DCP1A: variants seen among roughly 807,000 people sequenced by gnomAD.
The protein encoded by DCP1A is decapping mRNA 1A.
A neutral mutation model predicts 58.0 loss-of-function variants in DCP1A; 20 were observed. That is an observed-to-expected ratio of 0.34 (90% CI 0.24 to 0.50). DCP1A has a LOEUF of 0.50. Ranked by LOEUF, DCP1A falls within the 20% of genes least tolerant of loss-of-function variation. The pLI, the probability that DCP1A is intolerant of heterozygous loss-of-function variation, is 0.98. For missense variants in DCP1A, 613 were observed against 712.2 expected, an observed-to-expected ratio of 0.86 and a Z score of 1.59; for synonymous variants, 285 against 275.1, an observed-to-expected ratio of 1.04 and a Z score of -0.36.
At chr3:53,316,901 T>C (rs552464257) in intron 4 of DCP1A, among the ~76,000 whole-genome samples, 2 of 152,312 alleles carry the variant, frequency 1.3e-5, no homozygotes, top group South Asian at 2.1e-4. Context: ...CTGGGTTCAA[T>C]AAAATATTTT....
At chr3:53,304,639 C>G (rs1377941898) in intron 5 of DCP1A, among the ~76,000 whole-genome samples, 1 of 152,174 alleles carries the variant, frequency 6.6e-6, no homozygotes, top group Non-Finnish European at 1.5e-5. Flanking sequence ...GTGGCGCAAT[C>G]TTGGCTCACT....
At chr3:53,329,267 T>C (rs1489169581) in intron 3 of DCP1A, 4 of 397,800 alleles carry the variant, frequency 1.0e-5, no homozygotes, top group Non-Finnish European at 1.8e-5. Flanking sequence ...GCATTTCTTC[T>C]ACTAAAACTT....
intron 2 of DCP1A, among the ~76,000 whole-genome samples, chr3:53,344,658 T>A (rs932881835): frequency 6.6e-6 from 1 of 152,176 alleles, no homozygotes; most frequent in Non-Finnish European, 1.5e-5. Flanking sequence ...TTAGACTCAA[T>A]CATTATTATT....
intron 2 of DCP1A, among the ~76,000 whole-genome samples, chr3:53,342,924 A>G (rs1439183693): frequency 3.9e-5 from 6 of 152,356 alleles, no homozygotes; most frequent in Non-Finnish European, 8.8e-5. Context: ...ATTGGCTATA[A>G]TGGCTGCCCA....
Position 53,287,435 on chromosome 3 carries a change from T to G in DCP1A, c.*145A>C. ...CTCCATTATCACTGAGAATGTCACT[T>G]GGAAAACATTCTTAAGAAATGAGTC... On this transcript the variant is annotated 3_prime_UTR_variant, in exon 10 of 10. Transcript: ENST00000610213. 2.4e-6 allele frequency: 1 copy of G among 422,190 alleles called. No homozygotes were observed. Among genetic ancestry groups the G allele is most frequent in the East Asian group, 3.9e-5 (1 of 25,968 alleles). 26.2% of individuals were successfully genotyped at this position (422,190 alleles called of 1,614,324 possible).
intron 3 of DCP1A, among the ~76,000 whole-genome samples, chr3:53,324,136 T>C (rs2106861230): frequency 6.6e-6 from 1 of 152,336 alleles, no homozygotes; most frequent in South Asian, 2.1e-4. Context: ...CTTTTGTATA[T>C]TATCAAACTG....
intron 8 of DCP1A, among the ~76,000 whole-genome samples, chr3:53,290,073 C>T (rs958049894): frequency 5.9e-5 from 9 of 152,098 alleles, no homozygotes; most frequent in Admixed American, 2.6e-4. Flanking sequence ...GAAGCTGGTT[C>T]CCATTTAAAC....
Position 53,312,226 on chromosome 3 carries a change from C to A in DCP1A, c.510+15G>T, listed in dbSNP as rs1553688734. The A allele has an allele frequency of 1.9e-6, 3 of 1,574,554 alleles. No homozygotes were observed. The highest frequency in any genetic ancestry group is 2.6e-6 in the Non-Finnish European group (3 of 1,160,168). ...GTCTTCCCTGGTCAGCACCCAAGTA[C>A]CCAGAGAGCCTCACCCTCTCATACT... On this transcript the variant is annotated intron_variant, in intron 5 of 9. Transcript: ENST00000610213.
chr3:53,321,872 C>T (rs373446957), intron 3 of DCP1A, among the ~76,000 whole-genome samples: 7 of 152,200 alleles, frequency 4.6e-5, no homozygotes, highest in South Asian at 2.1e-4. Context: ...TTCAGTTATG[C>T]TCGATGATTA....
Position 53,287,582 on chromosome 3 carries a change from A to G in DCP1A, c.1747T>C (p.Ter583ArgextTer24), listed in dbSNP as rs782616378. The change falls in exon 10 of 10, where the codon TGA (stop) becomes CGA (arginine). Residue 583 changes from the stop codon to arginine, a stop_lost. Coordinates refer to ENST00000610213, the MANE Select transcript of DCP1A (RefSeq NM_018403.7). ...CCTTTAGACTTATTCTGCTCCAGTCATAGGTTGTGGTTGTCTTTGTTCTTG... is the reference window on the plus strand; with the variant it reads ...CCTTTAGACTTATTCTGCTCCAGTCGTAGGTTGTGGTTGTCTTTGTTCTTG... ...LTKNKDNHNL[*>R] The G allele has an allele frequency of 1.2e-6, 2 of 1,604,068 alleles. No individual in the cohort carries two copies. Among genetic ancestry groups the G allele is most frequent in the South Asian group, 2.2e-5 (2 of 90,854 alleles).
intron 6 of DCP1A, among the ~76,000 whole-genome samples, chr3:53,293,445 A>G (rs1706999643): frequency 6.6e-6 from 1 of 152,194 alleles, no homozygotes; most frequent in South Asian, 2.1e-4. Context: ...TGTACTTTTA[A>G]GCAGTATTTC....
chr3:53,334,616 A>G (rs1553691691), intron 3 of DCP1A, among the ~76,000 whole-genome samples: 2 of 152,230 alleles, frequency 1.3e-5, no homozygotes, highest in African/African-American at 4.8e-5. Context: ...TGTTTTTTAC[A>G]AAATAAAATC....
intron 3 of DCP1A, among the ~76,000 whole-genome samples, chr3:53,334,553 G>A (rs540219349): frequency 2.0e-4 from 31 of 152,076 alleles, no homozygotes; most frequent in African/African-American, 7.0e-4. Context: ...CAATTTATCT[G>A]CCGTCATCAC....
intron 5 of DCP1A, among the ~76,000 whole-genome samples, chr3:53,311,825 C>CTT (rs1707651757): frequency 1.3e-5 from 2 of 152,202 alleles, no homozygotes; most frequent in African/African-American, 4.8e-5. Context: ...CCAAGACCAT[C>CTT]TTCTCCCATA....
In DCP1A at chr3:53,289,017, CT is replaced by C. The variant is rs113070074; in HGVS notation, c.1450-735del. ...GTGACAGAGAAAGACTCCATCTCGT[CT>C]TTTTTTTTTTAAGGCAGGGTCTCAT... On this transcript the variant is annotated intron_variant, in intron 8 of 9. Transcript: ENST00000610213. Among the ~76,000 whole-genome samples, 1,424 of 143,130 alleles carry C rather than the reference CT, an allele frequency of 9.9e-3. 25 individuals carry two copies. Among genetic ancestry groups the C allele is most frequent in the African/African-American group, 0.031 (1,246 of 39,604 alleles). 93.9% of individuals were successfully genotyped at this position (143,130 alleles called of 152,430 possible).
chr3:53,329,838 A>G (rs2106873002), intron 3 of DCP1A, among the ~76,000 whole-genome samples: 1 of 152,354 alleles, frequency 6.6e-6, no homozygotes, highest in East Asian at 1.9e-4. Flanking sequence ...GAAACATGAA[A>G]AAGTTGTCCT....
intron 6 of DCP1A, among the ~76,000 whole-genome samples, chr3:53,296,214 C>T (rs1553686751): frequency 6.6e-6 from 1 of 152,162 alleles, no homozygotes; most frequent in Admixed American, 6.5e-5. Context: ...GTCTTAATAG[C>T]AAGCATGGAG....
At position 53,304,180 on chromosome 3, in the gene DCP1A, A is replaced by C; in HGVS notation, c.621T>G (p.Asp207Glu). 1 of 1,609,950 alleles carries C rather than the reference A, an allele frequency of 6.2e-7. No homozygotes were observed. The highest frequency in any genetic ancestry group is 2.2e-5 in the East Asian group (1 of 44,814). Residue 207 changes from aspartate to glutamate, a missense_variant, in exon 6 of 10, where the codon GAT becomes GAG. Physicochemically the swap from Asp to Glu is conservative, Grantham distance 45 (BLOSUM62 2). Around this residue, in one of 3 missense-constraint regions of DCP1A, gnomAD observed 498 missense variants for 556.7 expected, o/e 0.89. Transcript: ENST00000610213. ...CTAGAGCTTTAGCTGTACAAACCTTATCCTGTGACCCGGAGGGCATTTCTT... is the reference window on the plus strand; with the variant it reads ...CTAGAGCTTTAGCTGTACAAACCTTCTCCTGTGACCCGGAGGGCATTTCTT... ...TLEEMPSGSQ[D>E]KSAPSGHKHL...
At chr3:53,321,813 A>G (rs1396894920) in intron 3 of DCP1A, among the ~76,000 whole-genome samples, 2 of 152,222 alleles carry the variant, frequency 1.3e-5, no homozygotes, top group African/African-American at 2.4e-5. Flanking sequence ...ACATCTCATT[A>G]CATTGAAATA....
Sources: gnomAD v4.1 joint callset for allele counts (sites outside exome capture counted in the v4.1 genomes callset) on GRCh38, gnomAD v4.1.1 for gene constraint, gnomAD v4.1.1 regional missense constraint, MANE v1.5 for transcripts, NCBI Gene and HGNC (gene_info 2026-07-23, HGNC 2026-07-21) for gene names.